Variants in AGBL1 observed in about 807,000 individuals in gnomAD.
AGBL1 encodes the protein cytosolic carboxypeptidase 4.
Under a neutral mutation model 118.9 loss-of-function variants are expected in AGBL1, and 130 were observed. The ratio of observed to expected loss-of-function variants is 1.09; its 90% CI spans 0.95 to 1.26. AGBL1 has a LOEUF of 1.26. AGBL1 is among the 50% of genes most tolerant of loss of function. The pLI, the probability that AGBL1 is intolerant of heterozygous loss-of-function variation, is 0.00. For synonymous variants in AGBL1, 555 were observed against 478.9 expected (o/e 1.16, Z -2.08); for missense variants, 1,584 against 1,298.1 (o/e 1.22, Z -3.38).
rs905244686 is a variant in AGBL1, at chr15:86,091,116, TCTC to T, written c.51+11094_51+11096del. ...ACTTGAATCCTATGGGTCAGCATCTTCTCTGTCTTGACATCAGTGCTAGGAGAT... is the reference window on the plus strand; with the variant it reads ...ACTTGAATCCTATGGGTCAGCATCTTTGTCTTGACATCAGTGCTAGGAGAT... On this transcript the variant is annotated intron_variant, in intron 1 of 22. Transcript: ENST00000614907. Among the ~76,000 whole-genome samples, 42 of 152,338 alleles carry T rather than the reference TCTC, an allele frequency of 2.8e-4. 1 individual carries two copies. The highest frequency in any genetic ancestry group is 9.9e-4 in the African/African-American group (41 of 41,584).
intron 24 of AGBL1, among the ~76,000 whole-genome samples, chr15:87,023,112 G>A (rs1330211475): frequency 6.6e-6 from 1 of 151,976 alleles, no homozygotes; most frequent in Non-Finnish European, 1.5e-5. Flanking sequence ...CATGATGAAT[G>A]GAATGGTACC....
chr15:86,192,117 C>G (rs1174573784), intron 5 of AGBL1, among the ~76,000 whole-genome samples: 1 of 151,296 alleles, frequency 6.6e-6, no homozygotes, highest in African/African-American at 2.4e-5. Context: ...CTGCACGCCC[C>G]CAATACACAC....
chr15:86,708,857 C>G (rs954638605), intron 22 of AGBL1, among the ~76,000 whole-genome samples: 1 of 152,254 alleles, frequency 6.6e-6, no homozygotes, highest in Admixed American at 6.5e-5. Context: ...ACCCAGCACT[C>G]TTGTTAATTT....
chr15:86,316,138 A>G (rs2080003276), intron 17 of AGBL1, among the ~76,000 whole-genome samples: 1 of 152,212 alleles, frequency 6.6e-6, no homozygotes, highest in South Asian at 2.1e-4. Flanking sequence ...TACTAAAGAT[A>G]GACCCATGAA....
intron 18 of AGBL1, among the ~76,000 whole-genome samples, chr15:86,445,849 G>A (rs78035229): frequency 6.6e-6 from 1 of 152,186 alleles, no homozygotes; most frequent in South Asian, 2.1e-4. Flanking sequence ...TCATTTCTTT[G>A]TGATGCATTG....
chr15:86,111,732 G>A (rs777383823), intron 1 of AGBL1, among the ~76,000 whole-genome samples: 20 of 152,154 alleles, frequency 1.3e-4, no homozygotes, highest in African/African-American at 1.9e-4. Flanking sequence ...AATAGAGACC[G>A]TCCACTGATA....
chr15:86,831,932 T>C (rs1327936646), intron 22 of AGBL1, among the ~76,000 whole-genome samples: 1 of 152,226 alleles, frequency 6.6e-6, no homozygotes, highest in East Asian at 1.9e-4. Context: ...GGTGTTTCCA[T>C]ACGTCTTCTG....
intron 22 of AGBL1, among the ~76,000 whole-genome samples, chr15:86,888,622 T>C (rs1370061536): frequency 6.6e-6 from 1 of 152,096 alleles, no homozygotes; most frequent in Non-Finnish European, 1.5e-5. Context: ...CGTGAGGGGA[T>C]TTCTCAGAGA....
intron 18 of AGBL1, among the ~76,000 whole-genome samples, chr15:86,445,455 C>T (rs6496328): frequency 0.2 from 29,983 of 152,190 alleles, 3,959 homozygotes; most frequent in African/African-American, 0.37. Flanking sequence ...GTGGTCAACT[C>T]TCTTCCCTAT....
intron 18 of AGBL1, among the ~76,000 whole-genome samples, chr15:86,422,700 A>G (rs2081808686): frequency 6.6e-6 from 1 of 152,174 alleles, no homozygotes; most frequent in South Asian, 2.1e-4. Context: ...ACCACTAGCC[A>G]GACTAATAAA....
intron 21 of AGBL1, among the ~76,000 whole-genome samples, chr15:86,639,015 G>C (rs1044235231): frequency 3.9e-5 from 6 of 152,184 alleles, no homozygotes; most frequent in Non-Finnish European, 8.8e-5. Context: ...TTCCTTGCCA[G>C]GTGGGCCTTT....
chr15:86,993,641 T>C (rs543609251), intron 24 of AGBL1, among the ~76,000 whole-genome samples: 57 of 152,316 alleles, frequency 3.7e-4, no homozygotes, highest in Admixed American at 2.4e-3. Flanking sequence ...TTCACACTTA[T>C]GATTTGTGCT....
chr15:86,158,893 C>G, intron 4 of AGBL1, 40 bp from the exon 5 acceptor site: 1 of 1,574,824 alleles, frequency 6.3e-7, no homozygotes, highest in Non-Finnish European at 8.7e-7. Context: ...CTTAACTCAT[C>G]CACTTGTGAC....
chr15:86,146,986 A>G (rs753817065), intron 3 of AGBL1, among the ~76,000 whole-genome samples: 2 of 152,216 alleles, frequency 1.3e-5, no homozygotes, highest in Non-Finnish European at 2.9e-5. Flanking sequence ...GACATCACCC[A>G]TTGACAGGTA....
At chr15:86,604,774 CTTTCTTTTTT>C (rs1431754977) in intron 21 of AGBL1, among the ~76,000 whole-genome samples, 7 of 146,886 alleles carry the variant, frequency 4.8e-5, no homozygotes, top group Non-Finnish European at 9.0e-5. Context: ...ATTTCTTTTT[CTTTCTTTTTT>C]TTTCTTTTCT....
intron 1 of AGBL1, among the ~76,000 whole-genome samples, chr15:86,123,537 C>T (rs1033829363): frequency 6.6e-6 from 1 of 152,178 alleles, no homozygotes; most frequent in Non-Finnish European, 1.5e-5. Context: ...ACCACGCCCA[C>T]CCCGGGACCC....
In AGBL1 at chr15:86,406,966, A is replaced by G. The variant is rs144456323; in HGVS notation, c.2555+9420A>G. Among the ~76,000 whole-genome samples the G allele has an allele frequency of 6.9e-3, 1,044 of 152,246 alleles. 12 individuals are homozygous for G. The highest frequency in any genetic ancestry group is 0.024 in the African/African-American group (994 of 41,570). ...TTAAGATAAATTTTTAAAGTAGTCA[A>G]TTGAGTCAGATGTTATACATATTTT... On this transcript the variant is annotated intron_variant, in intron 18 of 22. Transcript: ENST00000614907.
intron 21 of AGBL1, among the ~76,000 whole-genome samples, chr15:86,571,215 A>G (rs553692200): frequency 8.7e-4 from 132 of 152,194 alleles, no homozygotes; most frequent in Non-Finnish European, 1.6e-3. Flanking sequence ...CAGGTCTGAG[A>G]TCCCTGAAGG....
At chr15:86,778,920 C>CA (rs2078295094) in intron 22 of AGBL1, among the ~76,000 whole-genome samples, 1 of 149,248 alleles carries the variant, frequency 6.7e-6, no homozygotes, top group African/African-American at 2.5e-5. Context: ...TAAAGACAGG[C>CA]GTAAGAAATT....
Sources: allele counts gnomAD v4.1 joint callset (sites outside exome capture counted in the v4.1 genomes callset), GRCh38; gene constraint gnomAD v4.1.1; transcripts MANE v1.5; gene names NCBI Gene and HGNC (gene_info 2026-07-23, HGNC 2026-07-21).